FOXB2: variants seen among roughly 807,000 people sequenced by gnomAD.
FOXB2 encodes the protein forkhead box B2, also known as forkhead box protein B2.
FOXB2 carries 1 observed loss-of-function variant against 0.9 expected under a neutral mutation model. That is an observed-to-expected ratio of 1.09 (90% CI 0.39 to 5.18). FOXB2 has a LOEUF of 5.18. FOXB2 is among the 30% of genes most tolerant of loss of function. The pLI, the probability that FOXB2 is intolerant of heterozygous loss-of-function variation, is 0.16. For synonymous variants in FOXB2, 322 were observed against 293.5 expected (o/e 1.10, Z -0.99); for missense variants, 670 against 626.6 (o/e 1.07, Z -0.74).
chr9:77,020,702 T>A lies in FOXB2; in HGVS notation c.1048T>A (p.Ser350Thr), dbSNP rs747507577. ...TGGGGCCTTCGGGGTCCCGGTCAAG[T>A]CCCTGTGCCACTCGGCAAGCCAGAG... is the stretch of plus-strand genomic sequence containing the variant. The part of the protein sequence containing the change: ...EYGAFGVPVK[S>T]LCHSASQSLP... Residue 350 changes from serine to threonine, a missense_variant, in exon 1 of 1, where the codon TCC (serine) becomes ACC (threonine). Transcript: ENST00000376708. This position sits in a 1 kb window ranked among gnomAD's most constrained non-coding sequence, Gnocchi z 4.9. The A allele has an allele frequency of 3.1e-6, 5 of 1,600,610 alleles. No homozygotes were observed. Among genetic ancestry groups the A allele is most frequent in the Non-Finnish European group, 4.3e-6 (5 of 1,175,274 alleles).
In FOXB2 at chr9:77,020,340, C is replaced by T. The variant is rs1432305681; in HGVS notation, c.686C>T (p.Ala229Val). 1 of 1,210,776 alleles carries T rather than the reference C, an allele frequency of 8.3e-7. No individual in the cohort carries two copies. Among genetic ancestry groups the T allele is most frequent in the Non-Finnish European group, 1.0e-6 (1 of 979,946 alleles). The allele number at this position is 1,210,776 out of a possible 1,614,324, so 75.0% of individuals were successfully genotyped here. Reference protein sequence around the residue: ...EAAAVAAAAAAAAAAAVGSVG... With the variant: ...EAAAVAAAAAVAAAAAVGSVG... ...GCGGCCGTGGCGGCGGCGGCGGCGG[C>T]GGCCGCGGCAGCCGCGGTGGGCAGC... is the stretch of plus-strand genomic sequence containing the variant. Residue 229 changes from alanine (A) to valine (V), a missense_variant, in exon 1 of 1, where the codon GCG becomes GTG. Ala to Val is a moderately conservative substitution (Grantham distance 64). Transcript: ENST00000376708. This position sits in a 1 kb window ranked among gnomAD's most constrained non-coding sequence, Gnocchi z 4.9.
chr9:77,020,859 C>T lies in FOXB2; in HGVS notation c.1205C>T (p.Ala402Val), dbSNP rs201447432. Reference protein sequence around the residue: ...PAPSTVCSAAAASPVASLLEP... With the variant: ...PAPSTVCSAAVASPVASLLEP... ...CCATCCACCGTGTGCTCCGCGGCCG[C>T]GGCCTCGCCCGTTGCCTCTCTGCTG... Residue 402 changes from alanine (A) to valine (V), a missense_variant, in exon 1 of 1, where the codon GCG becomes GTG. Ala to Val is a moderately conservative substitution (Grantham distance 64). Coordinates refer to ENST00000376708, the MANE Select transcript of FOXB2 (RefSeq NM_001013735.1). This position sits in a 1 kb window ranked among gnomAD's most constrained non-coding sequence, Gnocchi z 4.9. The T allele has an allele frequency of 3.5e-4, 543 of 1,548,616 alleles. 1 individual carries two copies. The African/African-American group carries it at 6.5e-3, about 18-fold the overall frequency.
Position 77,020,431 on chromosome 9 carries a change from C to G in FOXB2, c.777C>G (p.Ala259=). 2 of 1,591,890 alleles carry G rather than the reference C, an allele frequency of 1.3e-6. No individual in the cohort carries two copies. Among genetic ancestry groups the G allele is most frequent in the Non-Finnish European group, 1.7e-6 (2 of 1,171,496 alleles). Residue 259 remains alanine, a synonymous_variant, in exon 1 of 1, where the codon GCC becomes GCG. Transcript: ENST00000376708. The surrounding 1 kb of genome is among the most constrained non-coding windows in gnomAD (Gnocchi z 4.9). ...LGSAAAAAAA[A]AASTSGFKHP... The stretch of plus-strand genomic sequence containing the variant: ...CGGCCGCCGCCGCTGCCGCCGCGGC[C>G]GCGGCGTCCACGTCAGGCTTCAAGC...
rs748228689 is a variant in FOXB2, at chr9:77,020,728, C to T, written c.1074C>T (p.Ser358=). 2 of 1,596,332 alleles carry T rather than the reference C, an allele frequency of 1.3e-6. No individual in the cohort carries two copies. Among genetic ancestry groups the T allele is most frequent in the Non-Finnish European group, 1.7e-6 (2 of 1,173,976 alleles). The change falls in exon 1 of 1, where the codon AGC becomes AGT. Residue 358 remains serine, a synonymous_variant. Coordinates refer to ENST00000376708, the MANE Select transcript of FOXB2 (RefSeq NM_001013735.1). The surrounding 1 kb of genome is among the most constrained non-coding windows in gnomAD (Gnocchi z 4.9). Reference sequence around the variant, plus strand: ...CCCTGTGCCACTCGGCAAGCCAGAGCCTGCCTGCCATGCCGGTGCCCATCA... The same window carrying T: ...CCCTGTGCCACTCGGCAAGCCAGAGTCTGCCTGCCATGCCGGTGCCCATCA... ...VKSLCHSASQ[S]LPAMPVPIKP...
chr9:77,020,070 A>G lies in FOXB2; in HGVS notation c.416A>G (p.His139Arg), dbSNP rs1388643263. 1 of 1,561,898 alleles carries G rather than the reference A, an allele frequency of 6.4e-7. No homozygotes were observed. Among genetic ancestry groups the G allele is most frequent in the Admixed American group, 1.8e-5 (1 of 54,178 alleles). ...GGTCCGGGAGGGCACCTTCACCCCC[A>G]TCACCACCACCACCCCCACCACCAC... ...GAGPGGHLHP[H>R]HHHHPHHHHH... Residue 139 changes from histidine to arginine, a missense_variant, in exon 1 of 1, where the codon CAT (histidine) becomes CGT (arginine). His to Arg is a conservative substitution (Grantham distance 29, BLOSUM62 0). Transcript: ENST00000376708. This position sits in a 1 kb window ranked among gnomAD's most constrained non-coding sequence, Gnocchi z 4.9.
Position 77,020,146 on chromosome 9 carries a change from G to GCCGCCGCCGCCGCCGCCC in FOXB2, c.506_523dup (p.Pro169_Pro174dup). 1 of 1,193,862 alleles carries GCCGCCGCCGCCGCCGCCC rather than the reference G, an allele frequency of 8.4e-7. No homozygotes were observed. The highest frequency in any genetic ancestry group is 2.6e-5 in the East Asian group (1 of 39,078). 74.0% of individuals were successfully genotyped at this position (1,193,862 alleles called of 1,614,324 possible). On this transcript the variant is annotated inframe_insertion, in exon 1 of 1. Coordinates refer to ENST00000376708, the MANE Select transcript of FOXB2 (RefSeq NM_001013735.1). This position sits in a 1 kb window ranked among gnomAD's most constrained non-coding sequence, Gnocchi z 4.9. ...ACCACCATCACCACCACCCACCCCA[G>GCCGCCGCCGCCGCCGCCC]CCGCCGCCGCCGCCGCCCCCGCCGC...
Position 77,020,353 on chromosome 9 carries a change from C to T in FOXB2, c.699C>T (p.Ala233=), listed in dbSNP as rs181219493. The change falls in exon 1 of 1, where the codon GCC becomes GCT. Residue 233 remains alanine, a synonymous_variant. Coordinates refer to ENST00000376708, the MANE Select transcript of FOXB2 (RefSeq NM_001013735.1). This position sits in a 1 kb window ranked among gnomAD's most constrained non-coding sequence, Gnocchi z 4.9. ...CGGCGGCGGCGGCGGCCGCGGCAGCCGCGGTGGGCAGCGTGGGACGCCTGT... is the reference window on the plus strand; with the variant it reads ...CGGCGGCGGCGGCGGCCGCGGCAGCTGCGGTGGGCAGCGTGGGACGCCTGT... The part of the protein sequence containing the change: ...VAAAAAAAAA[A]AVGSVGRLSQ... The T allele has an allele frequency of 0.021, 26,654 of 1,259,352 alleles. 501 individuals are homozygous for T. The highest frequency in any genetic ancestry group is 0.079 in the South Asian group (2,416 of 30,398). The allele number at this position is 1,259,352 out of a possible 1,614,324, so 78.0% of individuals were successfully genotyped here.
chr9:77,020,571 T>C lies in FOXB2; in HGVS notation c.917T>C (p.Leu306Pro). 6.2e-7 allele frequency: 1 copy of C among 1,610,078 alleles called. No individual in the cohort carries two copies. Among genetic ancestry groups the C allele is most frequent in the South Asian group, 1.1e-5 (1 of 90,978 alleles). ...HHLGYPVPGQLGNVVSSVWPH... is the reference protein window; with the variant it reads ...HHLGYPVPGQPGNVVSSVWPH... Reference sequence around the variant, plus strand: ...CTGGGCTACCCCGTGCCCGGCCAGCTTGGCAACGTCGTCAGCTCCGTGTGG... The same window carrying C: ...CTGGGCTACCCCGTGCCCGGCCAGCCTGGCAACGTCGTCAGCTCCGTGTGG... The change falls in exon 1 of 1, where the codon CTT (leucine) becomes CCT (proline). Residue 306 changes from leucine to proline, a missense_variant. Coordinates refer to ENST00000376708, the MANE Select transcript of FOXB2 (RefSeq NM_001013735.1). The surrounding 1 kb of genome is among the most constrained non-coding windows in gnomAD (Gnocchi z 4.9).
Position 77,020,192 on chromosome 9 carries a change from T to C in FOXB2, c.538T>C (p.Phe180Leu). 8.6e-7 allele frequency: 1 copy of C among 1,160,584 alleles called. No individual in the cohort carries two copies. 71.9% of individuals were successfully genotyped at this position (1,160,584 alleles called of 1,614,324 possible). ...GCCGCCGCCGCACATGGTACACTAT[T>C]TCCATCAGCAACCGCCTACTGCTCC... ...PPPPPHMVHY[F>L]HQQPPTAPQP... Residue 180 changes from phenylalanine (F) to leucine (L), a missense_variant, in exon 1 of 1, where the codon TTC becomes CTC. Coordinates refer to ENST00000376708, the MANE Select transcript of FOXB2 (RefSeq NM_001013735.1). The surrounding 1 kb of genome is among the most constrained non-coding windows in gnomAD (Gnocchi z 4.9).
At position 77,019,999 on chromosome 9, in the gene FOXB2, C is replaced by T; in HGVS notation, c.345C>T (p.Asp115=). The T allele has an allele frequency of 1.2e-6, 2 of 1,611,644 alleles. No individual in the cohort carries two copies. The highest frequency in any genetic ancestry group is 1.7e-6 in the Non-Finnish European group (2 of 1,179,582). The part of the protein sequence containing the change: ...RRKRFKVLRA[D]HTHLHAGSTK... Reference sequence around the variant, plus strand: ...AGCGCTTCAAGGTGCTGCGCGCCGACCATACTCACTTGCACGCGGGAAGCA... The same window carrying T: ...AGCGCTTCAAGGTGCTGCGCGCCGATCATACTCACTTGCACGCGGGAAGCA... Residue 115 remains aspartate, a synonymous_variant, in exon 1 of 1, where the codon GAC becomes GAT. Transcript: ENST00000376708. The surrounding 1 kb of genome is among the most constrained non-coding windows in gnomAD (Gnocchi z 4.4).
At position 77,019,695 on chromosome 9, in the gene FOXB2, C is replaced by A; in HGVS notation, c.41C>A (p.Pro14Gln). Residue 14 changes from proline (P) to glutamine (Q), a missense_variant, in exon 1 of 1, where the codon CCG becomes CAG. Coordinates refer to ENST00000376708, the MANE Select transcript of FOXB2 (RefSeq NM_001013735.1). This position sits in a 1 kb window ranked among gnomAD's most constrained non-coding sequence, Gnocchi z 4.4. ...PGKSSYSDQK[P>Q]PYSYISLTAM... is the part of the protein sequence containing the mutation. ...AAGAGCTCGTACAGCGACCAAAAAC[C>A]GCCCTACTCTTACATCTCGCTGACC... The A allele has an allele frequency of 1.2e-6, 2 of 1,608,412 alleles. No individual in the cohort carries two copies. Among genetic ancestry groups the A allele is most frequent in the East Asian group, 2.2e-5 (1 of 44,626 alleles).
chr9:77,019,860 A>T lies in FOXB2; in HGVS notation c.206A>T (p.Asp69Val), dbSNP rs771285050. The change falls in exon 1 of 1, where the codon GAC becomes GTC. Residue 69 changes from aspartate (D) to valine (V), a missense_variant. Transcript: ENST00000376708. This position sits in a 1 kb window ranked among gnomAD's most constrained non-coding sequence, Gnocchi z 4.4. ...NSLRHNLSFN[D>V]CFIKIPRRPD... ...CTGCGCCACAACCTCTCCTTCAACG[A>T]CTGCTTCATCAAGATTCCGCGGAGG... 3 of 1,613,958 alleles carry T rather than the reference A, an allele frequency of 1.9e-6. No individual in the cohort carries two copies. The South Asian group carries it at 3.3e-5, about 18-fold the overall frequency.
rs780784219 is a variant in FOXB2 at position 77,020,514 on chromosome 9, G to T, written c.860G>T (p.Gly287Val). The T allele has an allele frequency of 2.5e-6, 4 of 1,610,446 alleles. No individual in the cohort carries two copies. In the African/African-American group the frequency reaches 5.4e-5, roughly 22 times the overall value. ...GACTACAAGGGCGTGCTGCAGGCTG[G>T]AGGGCTGCCCTTGGCGTCCGTCATG... ...GRDYKGVLQA[G>V]GLPLASVMHH... is the part of the protein sequence containing the mutation. The change falls in exon 1 of 1, where the codon GGA becomes GTA. Residue 287 changes from glycine to valine, a missense_variant. Transcript: ENST00000376708. The surrounding 1 kb of genome is among the most constrained non-coding windows in gnomAD (Gnocchi z 4.9).
Position 77,019,681 on chromosome 9 carries a change from C to G in FOXB2, c.27C>G (p.Tyr9Ter), listed in dbSNP as rs1172042500. 2.5e-6 allele frequency: 4 copies of G among 1,597,596 alleles called. No individual in the cohort carries two copies. The highest frequency in any genetic ancestry group is 3.4e-6 in the Non-Finnish European group (4 of 1,172,210). Reference sequence around the variant, plus strand: ...TGCCGCGGCCGGGGAAGAGCTCGTACAGCGACCAAAAACCGCCCTACTCTT... The same window carrying G: ...TGCCGCGGCCGGGGAAGAGCTCGTAGAGCGACCAAAAACCGCCCTACTCTT... Reference protein sequence around the residue: MPRPGKSSYSDQKPPYSYI... With the variant: MPRPGKSS Residue 9 changes from tyrosine (Y) to a stop codon, truncating the protein, a stop_gained, in exon 1 of 1, where the codon TAC becomes TAG. Transcript: ENST00000376708. LOFTEE classifies it low-confidence loss of function (END_TRUNC). The surrounding 1 kb of genome is among the most constrained non-coding windows in gnomAD (Gnocchi z 4.4).
Position 77,019,676 on chromosome 9 carries a change from T to A in FOXB2, c.22T>A (p.Ser8Thr), listed in dbSNP as rs1287604951. 1.3e-6 allele frequency: 2 copies of A among 1,590,672 alleles called. No homozygotes were observed. Among genetic ancestry groups the A allele is most frequent in the African/African-American group, 1.3e-5 (1 of 74,220 alleles). The change falls in exon 1 of 1, where the codon TCG becomes ACG. Residue 8 changes from serine (S) to threonine (T), a missense_variant. Ser to Thr is a moderately conservative substitution (Grantham distance 58, BLOSUM62 1). Transcript: ENST00000376708. The surrounding 1 kb of genome is among the most constrained non-coding windows in gnomAD (Gnocchi z 4.4). Reference protein sequence around the residue: MPRPGKSSYSDQKPPYSY... With the variant: MPRPGKSTYSDQKPPYSY... ...GGCGATGCCGCGGCCGGGGAAGAGC[T>A]CGTACAGCGACCAAAAACCGCCCTA...
Position 77,020,173 on chromosome 9 carries a change from G to C in FOXB2, c.519G>C (p.Pro173=), listed in dbSNP as rs1266449923. 8.2e-7 allele frequency: 1 copy of C among 1,216,176 alleles called. No homozygotes were observed. The highest frequency in any genetic ancestry group is 2.3e-5 in the East Asian group (1 of 42,656). 75.3% of individuals were successfully genotyped at this position (1,216,176 alleles called of 1,614,324 possible). A position where few individuals can be genotyped will look rare whatever the true frequency, so the allele number is the denominator to read the frequency against. Residue 173 remains proline, a synonymous_variant, in exon 1 of 1, where the codon CCG becomes CCC. Transcript: ENST00000376708. This position sits in a 1 kb window ranked among gnomAD's most constrained non-coding sequence, Gnocchi z 4.9. The part of the protein sequence containing the change: ...PQPPPPPPPP[P]PHMVHYFHQQ... ...CGCCGCCGCCGCCGCCCCCGCCGCC[G>C]CCGCACATGGTACACTATTTCCATC...
In FOXB2 at chr9:77,020,056, G is replaced by A. The variant is rs752455027; in HGVS notation, c.402G>A (p.Gly134=). 2.5e-6 allele frequency: 4 copies of A among 1,596,168 alleles called. No homozygotes were observed. The highest frequency in any genetic ancestry group is 1.7e-6 in the Non-Finnish European group (2 of 1,173,886). ...TKSAPGAGPG[G]HLHPHHHHHP... ...GCGCGCCGGGCGCCGGTCCGGGAGG[G>A]CACCTTCACCCCCATCACCACCACC... Residue 134 remains glycine (G), a synonymous_variant, in exon 1 of 1, where the codon GGG becomes GGA. Coordinates refer to ENST00000376708, the MANE Select transcript of FOXB2 (RefSeq NM_001013735.1). This position sits in a 1 kb window ranked among gnomAD's most constrained non-coding sequence, Gnocchi z 4.9.
rs1002597769 is a variant in FOXB2 at position 77,020,857 on chromosome 9, C to G, written c.1203C>G (p.Ala401=). 1.9e-6 allele frequency: 3 copies of G among 1,548,506 alleles called. No individual in the cohort carries two copies. Among genetic ancestry groups the G allele is most frequent in the Non-Finnish European group, 2.6e-6 (3 of 1,153,614 alleles). The stretch of plus-strand genomic sequence containing the variant: ...CGCCATCCACCGTGTGCTCCGCGGC[C>G]GCGGCCTCGCCCGTTGCCTCTCTGC... ...PPAPSTVCSA[A]AASPVASLLE... is the part of the protein sequence containing the mutation. The change falls in exon 1 of 1, where the codon GCC becomes GCG. Residue 401 remains alanine (A), a synonymous_variant. Transcript: ENST00000376708. This position sits in a 1 kb window ranked among gnomAD's most constrained non-coding sequence, Gnocchi z 4.9.
At position 77,019,793 on chromosome 9, in the gene FOXB2, T is replaced by C. The variant is rs1289561825; in HGVS notation, c.139T>C (p.Phe47Leu). ...SDIYKFIMER[F>L]PYYREHTQRW... ...CATCTACAAGTTCATCATGGAGCGCTTCCCCTACTACCGCGAGCACACACA... is the reference window on the plus strand; with the variant it reads ...CATCTACAAGTTCATCATGGAGCGCCTCCCCTACTACCGCGAGCACACACA... The change falls in exon 1 of 1, where the codon TTC becomes CTC. Residue 47 changes from phenylalanine to leucine, a missense_variant. Phe to Leu is a conservative substitution (Grantham distance 22). Coordinates refer to ENST00000376708, the MANE Select transcript of FOXB2 (RefSeq NM_001013735.1). The surrounding 1 kb of genome is among the most constrained non-coding windows in gnomAD (Gnocchi z 4.4). The C allele has an allele frequency of 6.2e-7, 1 of 1,614,074 alleles. No homozygotes were observed. The highest frequency in any genetic ancestry group is 1.1e-5 in the South Asian group (1 of 91,082).
Sources: gnomAD v4.1 joint callset for allele counts on GRCh38, gnomAD v4.1.1 for gene constraint, Gnocchi (gnomAD v3.1) non-coding constraint, MANE v1.5 for transcripts, NCBI Gene and HGNC (gene_info 2026-07-23, HGNC 2026-07-21) for gene names.